Variants in PCDHA13 observed in about 807,000 individuals in gnomAD.
PCDHA13 encodes protocadherin alpha-13.
Under a neutral mutation model 64.8 loss-of-function variants are expected in PCDHA13, and 54 were observed. The ratio of observed to expected loss-of-function variants is 0.83; its 90% CI spans 0.67 to 1.04. The LOEUF (loss-of-function observed/expected upper bound fraction) is 1.04, where lower values mean the gene tolerates loss of function less well. Ranked by LOEUF, PCDHA13 falls within the 50% of genes least tolerant of loss-of-function variation. The pLI, the probability that PCDHA13 is intolerant of heterozygous loss-of-function variation, is 0.00. For missense variants in PCDHA13, 1,248 were observed against 1,254.3 expected (o/e 0.99, Z 0.08); for synonymous variants, 587 against 564.4 (o/e 1.04, Z -0.57).
In PCDHA13 at chr5:140,884,300, G is replaced by C. The variant is rs2060088357; in HGVS notation, c.2032G>C (p.Ala678Pro). 6.2e-7 allele frequency: 1 copy of C among 1,613,712 alleles called. No homozygotes were observed. The highest frequency in any genetic ancestry group is 8.5e-7 in the Non-Finnish European group (1 of 1,179,832). ...SLVESGQAPQ[A>P]SSRASAGAVG... The stretch of plus-strand genomic sequence containing the variant: ...GGTGGAGAGCGGCCAAGCGCCACAG[G>C]CTTCGTCGAGGGCGTCGGCAGGCGC... The change falls in exon 1 of 4, where the codon GCT (alanine) becomes CCT (proline). Residue 678 changes from alanine (A) to proline (P), a missense_variant. Physicochemically the swap from Ala to Pro is conservative, Grantham distance 27. Transcript: ENST00000289272.
chr5:140,952,914 T>C (rs1020868857), intron 1 of PCDHA13, among the ~76,000 whole-genome samples: 1 of 151,982 alleles, frequency 6.6e-6, no homozygotes, highest in South Asian at 2.1e-4. Context: ...TCATCTTACA[T>C]GGCATGAGCA....
intron 1 of PCDHA13, among the ~76,000 whole-genome samples, chr5:140,901,961 C>T (rs62384485): frequency 2.0e-5 from 3 of 151,946 alleles, no homozygotes; most frequent in Non-Finnish European, 2.9e-5. Flanking sequence ...TCGTGGCTAT[C>T]GTAAATGGGA....
chr5:140,948,885 T>C (rs2094319889), intron 1 of PCDHA13, among the ~76,000 whole-genome samples: 1 of 151,652 alleles, frequency 6.6e-6, no homozygotes, highest in Non-Finnish European at 1.5e-5. Context: ...TTGCTCTCTT[T>C]TAGATTTTAA....
At chr5:140,985,562 C>G (rs1477250763) in intron 3 of PCDHA13, among the ~76,000 whole-genome samples, 1 of 152,116 alleles carries the variant, frequency 6.6e-6, no homozygotes, top group Non-Finnish European at 1.5e-5. Flanking sequence ...CAAAAGGCTT[C>G]TTTCTGGTGC....
At chr5:140,965,521 G>A (rs1554227745) in intron 1 of PCDHA13, among the ~76,000 whole-genome samples, 2 of 150,836 alleles carry the variant, frequency 1.3e-5, no homozygotes, top group East Asian at 3.9e-4. Flanking sequence ...TAACTGCAAA[G>A]CATTAATGGA....
chr5:140,974,221 T>A (rs75147433), intron 1 of PCDHA13, among the ~76,000 whole-genome samples: 1,739 of 152,246 alleles, frequency 0.011, 25 homozygotes, highest in Non-Finnish European at 0.017. Context: ...TAAAGAGAAA[T>A]CTTAGTTCCT....
At chr5:140,941,191 T>TTTCTTTCTTTC (rs1487503403) in intron 1 of PCDHA13, among the ~76,000 whole-genome samples, 64 of 93,246 alleles carry the variant, frequency 6.9e-4, no homozygotes, top group South Asian at 4.2e-3. Context: ...GCTTCTTTTT[T>TTTCTTTCTTTC]TTTCTTTCTT....
Position 140,885,793 on chromosome 5 carries a change from A to G in PCDHA13, c.2394+1131A>G, listed in dbSNP as rs541928241. On this transcript the variant is annotated intron_variant, in intron 1 of 3. Coordinates refer to ENST00000289272, the MANE Select transcript of PCDHA13 (RefSeq NM_018904.3). ...TATTAGTGAATTTGAGCATATTGTCATATGTATTTTGTTGATTTGTATTTG... is the reference window on the plus strand; with the variant it reads ...TATTAGTGAATTTGAGCATATTGTCGTATGTATTTTGTTGATTTGTATTTG... Among the ~76,000 whole-genome samples the G allele has an allele frequency of 2.0e-5, 3 of 152,162 alleles. No homozygotes were observed. The South Asian group carries it at 6.2e-4, about 32-fold the overall frequency.
chr5:140,933,300 A>G (rs541308392), intron 1 of PCDHA13, among the ~76,000 whole-genome samples: 41 of 152,132 alleles, frequency 2.7e-4, no homozygotes, highest in African/African-American at 9.4e-4. Context: ...ATCTGGAAAT[A>G]AATATGCAAT....
intron 1 of PCDHA13, among the ~76,000 whole-genome samples, chr5:140,971,359 G>T (rs537725732): frequency 6.6e-5 from 10 of 152,312 alleles, no homozygotes; most frequent in Admixed American, 3.3e-4. Flanking sequence ...GGGAGATTTT[G>T]CCAGGAGAGT....
intron 1 of PCDHA13, among the ~76,000 whole-genome samples, chr5:140,922,848 C>A (rs1345344826): frequency 6.6e-6 from 1 of 151,962 alleles, no homozygotes; most frequent in Non-Finnish European, 1.5e-5. Context: ...TCAAAGAGAC[C>A]AAATACATAG....
At chr5:140,909,428 G>A (rs2074488610) in intron 1 of PCDHA13, among the ~76,000 whole-genome samples, 1 of 152,150 alleles carries the variant, frequency 6.6e-6, no homozygotes, top group African/African-American at 2.4e-5. Context: ...TTAAACTTAT[G>A]ATAATCCACT....
Position 140,883,130 on chromosome 5 carries a change from G to C in PCDHA13, c.862G>C (p.Ala288Pro). Residue 288 changes from alanine (A) to proline (P), a missense_variant, in exon 1 of 4, where the codon GCA becomes CCA. Coordinates refer to ENST00000289272, the MANE Select transcript of PCDHA13 (RefSeq NM_018904.3). The part of the protein sequence containing the change: ...VYSFRRPVWP[A>P]VVYAFTINPN... ...CTCATTTAGAAGGCCTGTATGGCCTGCAGTGGTATATGCATTTACCATAAA... is the reference window on the plus strand; with the variant it reads ...CTCATTTAGAAGGCCTGTATGGCCTCCAGTGGTATATGCATTTACCATAAA... The C allele has an allele frequency of 6.2e-7, 1 of 1,614,062 alleles. No individual in the cohort carries two copies. Among genetic ancestry groups the C allele is most frequent in the Non-Finnish European group, 8.5e-7 (1 of 1,180,022 alleles).
At chr5:140,968,133 A>C in intron 1 of PCDHA13, 6 of 1,614,140 alleles carry the variant, frequency 3.7e-6, no homozygotes, top group Non-Finnish European at 5.1e-6. Context: ...CGTACACTGA[A>C]GGTTGAGATC....
At position 141,010,088 on chromosome 5, in the gene PCDHA13, C is replaced by T. The variant is rs1165296922; in HGVS notation, c.*151C>T. ...GAAAGTTCCCTGTGTCTGTCTAGAA[C>T]GCATTTAACAGGTTTTGTCGTAAAA... On this transcript the variant is annotated 3_prime_UTR_variant, in exon 4 of 4. Transcript: ENST00000289272. 2.0e-5 allele frequency: 33 copies of T among 1,612,012 alleles called. No homozygotes were observed. Among genetic ancestry groups the T allele is most frequent in the South Asian group, 4.4e-5 (4 of 90,728 alleles).
chr5:140,940,510 G>T (rs1477590604), intron 1 of PCDHA13, among the ~76,000 whole-genome samples: 1 of 151,778 alleles, frequency 6.6e-6, no homozygotes, highest in Non-Finnish European at 1.5e-5. Context: ...TCGCTCAGGC[G>T]TGATCATAGC....
chr5:140,963,932 A>C (rs564788639), intron 1 of PCDHA13, among the ~76,000 whole-genome samples: 74 of 152,352 alleles, frequency 4.9e-4, no homozygotes, highest in African/African-American at 1.6e-3. Context: ...ACATGTCCAT[A>C]GCCAAACAGT....
At chr5:140,971,615 G>C (rs2096488487) in intron 1 of PCDHA13, among the ~76,000 whole-genome samples, 1 of 152,030 alleles carries the variant, frequency 6.6e-6, no homozygotes, top group East Asian at 1.9e-4. Flanking sequence ...GGAGAGTCCT[G>C]GGGTACAATT....
chr5:140,968,262 A>G, intron 1 of PCDHA13: 5 of 1,614,054 alleles, frequency 3.1e-6, no homozygotes, highest in Non-Finnish European at 4.2e-6. Flanking sequence ...CCAGATGAAA[A>G]GGAGAATGCA....
Sources: gnomAD v4.1 joint callset for allele counts (sites outside exome capture counted in the v4.1 genomes callset) on GRCh38, gnomAD v4.1.1 for gene constraint, MANE v1.5 for transcripts, NCBI Gene and HGNC (gene_info 2026-07-23, HGNC 2026-07-21) for gene names.